TRERF1: variants seen among roughly 807,000 people sequenced by gnomAD.
TRERF1 encodes the protein transcriptional regulating factor 1.
TRERF1 carries 27 observed loss-of-function variants against 122.9 expected under a neutral mutation model. The observed-to-expected ratio is 0.22, with a 90% confidence interval of 0.16 to 0.30. The LOEUF (loss-of-function observed/expected upper bound fraction) is 0.30. Among genes scored for constraint, TRERF1 ranks in the 10% least tolerant of loss-of-function variants. TRERF1 has a pLI of 1.00. For missense variants in TRERF1, 1,248 were observed against 1,560.3 expected (o/e 0.80, Z 3.37); for synonymous variants, 636 against 641.7 (o/e 0.99, Z 0.13).
At position 42,232,664 on chromosome 6, in the gene TRERF1, C is replaced by A; in HGVS notation, c.3278+17G>T. 6.4e-7 allele frequency: 1 copy of A among 1,569,758 alleles called. No individual in the cohort carries two copies. The highest frequency in any genetic ancestry group is 8.7e-7 in the Non-Finnish European group (1 of 1,150,074). ...CCATCATGAACTCAGATTCAGTCCCCGGTCCCCTGCACCTACTTGCCACAC... is the reference window on the plus strand; with the variant it reads ...CCATCATGAACTCAGATTCAGTCCCAGGTCCCCTGCACCTACTTGCCACAC... On this transcript the variant is annotated intron_variant, in intron 17 of 17. Transcript: ENST00000372922. The surrounding 1 kb of genome is among the most constrained non-coding windows in gnomAD (Gnocchi z 4.5).
rs1777304577 is a variant in TRERF1 at position 42,259,081 on chromosome 6, G to C, written c.2269+258C>G. Among the ~76,000 whole-genome samples, 1 of 152,030 alleles carries C rather than the reference G, an allele frequency of 6.6e-6. No individual in the cohort carries two copies. The highest frequency in any genetic ancestry group is 6.6e-5 in the Admixed American group (1 of 15,266). The stretch of plus-strand genomic sequence containing the variant: ...ATCATTGCTGGCAGCCTTAAAAAGT[G>C]GGTGAACATTTCAACTGTTTCCTTA... On this transcript the variant is annotated intron_variant, in intron 9 of 17. Transcript: ENST00000372922. This position sits in a 1 kb window ranked among gnomAD's most constrained non-coding sequence, Gnocchi z 4.9.
chr6:42,246,638 G>A, intron 13 of TRERF1, 94 bp from the exon 14 acceptor site: 3 of 859,226 alleles, frequency 3.5e-6, no homozygotes. Context: ...TACAACTACA[G>A]AGCAAGTGAT....
chr6:42,394,593 C>G (rs538080561), intron 2 of TRERF1, among the ~76,000 whole-genome samples: 1 of 152,216 alleles, frequency 6.6e-6, no homozygotes, highest in East Asian at 1.9e-4. Context: ...CAAGTCTAAC[C>G]AGAAATGGTC....
chr6:42,234,199 T>C (rs1771538982), intron 16 of TRERF1, among the ~76,000 whole-genome samples: 2 of 152,192 alleles, frequency 1.3e-5, no homozygotes, highest in South Asian at 4.1e-4. Context: ...TAAAGGGGTG[T>C]AAATCCATAT....
chr6:42,313,925 T>C (rs1246119077), intron 3 of TRERF1, among the ~76,000 whole-genome samples: 2 of 152,086 alleles, frequency 1.3e-5, no homozygotes, highest in Non-Finnish European at 1.5e-5. Context: ...GACAGGGATT[T>C]TGAGACAAGG....
chr6:42,356,765 G>A (rs1396422669), intron 3 of TRERF1, among the ~76,000 whole-genome samples: 1 of 151,838 alleles, frequency 6.6e-6, no homozygotes, highest in East Asian at 1.9e-4. Flanking sequence ...TTAGAGACGT[G>A]GTTTTGCCAT....
At chr6:42,294,328 G>A (rs1003471562) in intron 4 of TRERF1, among the ~76,000 whole-genome samples, 4 of 151,770 alleles carry the variant, frequency 2.6e-5, no homozygotes, top group South Asian at 2.1e-4. Flanking sequence ...ACAGGCGTGC[G>A]CCACCACGCC....
chr6:42,316,190 T>C (rs1047745979), intron 3 of TRERF1, among the ~76,000 whole-genome samples: 1 of 152,178 alleles, frequency 6.6e-6, no homozygotes, highest in Non-Finnish European at 1.5e-5. Context: ...CCAATGACTC[T>C]GGCACGCAGT....
intron 3 of TRERF1, among the ~76,000 whole-genome samples, chr6:42,340,296 G>A (rs1767002587): frequency 6.6e-6 from 1 of 152,094 alleles, no homozygotes; most frequent in Non-Finnish European, 1.5e-5. Flanking sequence ...TAAGGGATGT[G>A]TTAAGTACCC....
At chr6:42,330,905 C>T (rs930282678) in intron 3 of TRERF1, among the ~76,000 whole-genome samples, 1 of 152,074 alleles carries the variant, frequency 6.6e-6, no homozygotes, top group African/African-American at 2.4e-5. Flanking sequence ...TCTCTAACTC[C>T]TGGGCTCAAG....
chr6:42,288,660 A>G (rs776352748), intron 4 of TRERF1, among the ~76,000 whole-genome samples: 1 of 151,696 alleles, frequency 6.6e-6, no homozygotes. Context: ...AGAAAGTCAC[A>G]GTGATGCTGT....
At position 42,336,710 on chromosome 6, in the gene TRERF1, C is replaced by A. The variant is rs116718838; in HGVS notation, c.-371+26287G>T. ...GAGGAGCATGAACTAAGTAAGGAAA[C>A]GGTGGCTCAGGGAAAACTCACAGCA... On this transcript the variant is annotated intron_variant, in intron 3 of 17. Transcript: ENST00000372922. 7.2e-3 allele frequency among the ~76,000 whole-genome samples: 1,102 copies of A among 152,286 alleles called. 6 individuals are homozygous for A. The highest frequency in any genetic ancestry group is 0.01 in the Middle Eastern group (3 of 294).
intron 2 of TRERF1, among the ~76,000 whole-genome samples, chr6:42,372,414 T>G (rs9471848): frequency 0.031 from 4,726 of 151,914 alleles, 179 homozygotes; most frequent in African/African-American, 0.093. Flanking sequence ...TCCAATGGAG[T>G]TCCTTCAGGC....
At chr6:42,357,328 CAAAA>C (rs35651008) in intron 3 of TRERF1, among the ~76,000 whole-genome samples, 24 of 61,148 alleles carry the variant, frequency 3.9e-4, no homozygotes, top group African/African-American at 1.3e-3. Context: ...GACTCTGTCT[CAAAA>C]AAAAAAAAAA....
chr6:42,358,266 GA>G (rs1447772112), intron 3 of TRERF1, among the ~76,000 whole-genome samples: 1 of 152,220 alleles, frequency 6.6e-6, no homozygotes, highest in Non-Finnish European at 1.5e-5. Flanking sequence ...CCTGCTGGTG[GA>G]AAATTAAACT....
At chr6:42,328,156 C>A (rs527952470) in intron 3 of TRERF1, among the ~76,000 whole-genome samples, 1 of 151,592 alleles carries the variant, frequency 6.6e-6, no homozygotes, top group East Asian at 1.9e-4. Context: ...TACAGGTGCA[C>A]GCTACCATGC....
At chr6:42,295,632 T>C (rs1408560437) in intron 4 of TRERF1, among the ~76,000 whole-genome samples, 1 of 152,208 alleles carries the variant, frequency 6.6e-6, no homozygotes. Flanking sequence ...CCCTGACCAT[T>C]GAAGGGCATC....
intron 3 of TRERF1, among the ~76,000 whole-genome samples, chr6:42,304,436 A>G (rs1786780631): frequency 6.6e-6 from 1 of 152,222 alleles, no homozygotes; most frequent in Admixed American, 6.5e-5. Flanking sequence ...TAGGCCCTGG[A>G]TAAGTGGCAG....
chr6:42,258,350 T>C (rs1277717825), intron 9 of TRERF1, 149 bp from the exon 10 acceptor site: 2 of 707,798 alleles, frequency 2.8e-6, no homozygotes, highest in Non-Finnish European at 2.4e-6. Flanking sequence ...TCCAGGGAGC[T>C]GGGTGGAGTA....
Sources: gnomAD v4.1 joint callset for allele counts (sites outside exome capture counted in the v4.1 genomes callset) on GRCh38, gnomAD v4.1.1 for gene constraint, Gnocchi (gnomAD v3.1) non-coding constraint, MANE v1.5 for transcripts, NCBI Gene and HGNC (gene_info 2026-07-23, HGNC 2026-07-21) for gene names.